Variants in EMID1 observed in about 807,000 individuals in gnomAD.
EMID1 encodes the protein EMI domain-containing protein 1.
In EMID1, 40 loss-of-function variants were observed where a neutral mutation model predicts 60.6. The ratio of observed to expected loss-of-function variants is 0.66; its 90% confidence interval spans 0.51 to 0.86. EMID1 has a LOEUF of 0.86. EMID1 is among the 40% of genes least tolerant of loss of function. The pLI, the probability that EMID1 is intolerant of heterozygous loss-of-function variation, is 0.00. For synonymous variants in EMID1, 242 were observed against 231.0 expected (o/e 1.05, Z -0.43); for missense variants, 585 against 597.1 (o/e 0.98, Z 0.21).
intron 1 of EMID1, among the ~76,000 whole-genome samples, chr22:29,212,972 C>T (rs1319795433): frequency 6.6e-6 from 1 of 152,164 alleles, no homozygotes; most frequent in Admixed American, 6.5e-5. Context: ...AGCTACTGTT[C>T]GTGTAGTAGA....
At chr22:29,254,342 C>G in intron 14 of EMID1, 55 bp downstream of exon 14, 2 of 1,549,192 alleles carry the variant, frequency 1.3e-6, no homozygotes, top group Non-Finnish European at 1.8e-6. Context: ...GCCAGCCTTC[C>G]CCAAGCCCTC....
At chr22:29,232,174 G>GGCTGCCTT (rs2040772312) in intron 7 of EMID1, 82 bp from the exon 8 acceptor site, 1 of 1,569,796 alleles carries the variant, frequency 6.4e-7, no homozygotes, top group Non-Finnish European at 8.7e-7. Context: ...CACTGCTCCA[G>GGCTGCCTT]GCTGCCTTGT....
Position 29,232,380 on chromosome 22 carries a change from C to T in EMID1, c.801C>T (p.Pro267=). The T allele has an allele frequency of 1.3e-6, 2 of 1,589,568 alleles. No homozygotes were observed. The highest frequency in any genetic ancestry group is 1.7e-6 in the Non-Finnish European group (2 of 1,170,834). The change falls in exon 8 of 15, where the codon CCC becomes CCT. Residue 267 remains proline (P), a synonymous_variant. Transcript: ENST00000334018. ...PPGPPAPVGP[P]HARISQHGDP... ...GGCCCCCAGCCCCTGTTGGGCCACCCCATGCCCGGATCTCCCAGCATGGTG... is the reference window on the plus strand; with the variant it reads ...GGCCCCCAGCCCCTGTTGGGCCACCTCATGCCCGGATCTCCCAGCATGGTG...
chr22:29,243,155 C>G (rs907915696), intron 12 of EMID1, among the ~76,000 whole-genome samples: 2 of 152,124 alleles, frequency 1.3e-5, no homozygotes, highest in African/African-American at 4.8e-5. Flanking sequence ...TCTTGTTTTG[C>G]CAGGCTGATG....
chr22:29,231,188 G>T, intron 6 of EMID1, 48 bp downstream of exon 6: 1 of 1,540,838 alleles, frequency 6.5e-7, no homozygotes. Context: ...AGTGGGTTGG[G>T]AATCGGGGAA....
chr22:29,255,820 GA>G (rs569977146), intron 14 of EMID1, among the ~76,000 whole-genome samples: 112 of 152,288 alleles, frequency 7.4e-4, no homozygotes, highest in African/African-American at 2.5e-3. Context: ...AGGATCTGGG[GA>G]GAGTGAACAG....
intron 1 of EMID1, among the ~76,000 whole-genome samples, chr22:29,206,665 G>A (rs930232565): frequency 1.3e-5 from 2 of 152,228 alleles, no homozygotes; most frequent in Non-Finnish European, 2.9e-5. Flanking sequence ...ACAGAGAAAA[G>A]AGGGAGCACA....
chr22:29,215,796 C>A (rs2040059920), intron 3 of EMID1, among the ~76,000 whole-genome samples, 166 bp downstream of exon 3: 1 of 152,170 alleles, frequency 6.6e-6, no homozygotes, highest in African/African-American at 2.4e-5. Flanking sequence ...GTTGTCCCCC[C>A]TGCCCCCCAC....
chr22:29,206,464 T>C (rs1335804319), intron 1 of EMID1, among the ~76,000 whole-genome samples: 1 of 152,208 alleles, frequency 6.6e-6, no homozygotes, highest in Non-Finnish European at 1.5e-5. Context: ...GAAAGGCCTA[T>C]GACACCCCCT....
intron 13 of EMID1, among the ~76,000 whole-genome samples, chr22:29,247,410 G>C (rs1169074494): frequency 6.6e-6 from 1 of 152,178 alleles, no homozygotes; most frequent in Non-Finnish European, 1.5e-5. Context: ...AGGTGATTTT[G>C]TTGTGGCATG....
At chr22:29,251,995 T>C (rs2041545075) in intron 13 of EMID1, among the ~76,000 whole-genome samples, 1 of 151,964 alleles carries the variant, frequency 6.6e-6, no homozygotes, top group Admixed American at 6.6e-5. Flanking sequence ...TTTTTGTAGA[T>C]ATGGGGTCTT....
At chr22:29,234,046 C>G (rs1490096841) in intron 10 of EMID1, 91 bp from the exon 11 acceptor site, 8 of 1,467,340 alleles carry the variant, frequency 5.5e-6, no homozygotes, top group Non-Finnish European at 7.4e-6. Context: ...CCAGACCAAG[C>G]TTGAGCGCCC....
At chr22:29,248,259 C>A (rs1201173593) in intron 13 of EMID1, among the ~76,000 whole-genome samples, 1 of 116,088 alleles carries the variant, frequency 8.6e-6, no homozygotes, top group Non-Finnish European at 1.7e-5. Context: ...GTGCCTGGCC[C>A]TTTTTTTTTT....
Position 29,243,451 on chromosome 22 carries a change from C to T in EMID1, c.1081C>T (p.Pro361Ser). 3 of 1,614,128 alleles carry T rather than the reference C, an allele frequency of 1.9e-6. No homozygotes were observed. Among genetic ancestry groups the T allele is most frequent in the Non-Finnish European group, 2.5e-6 (3 of 1,180,014 alleles). ...TCTCTGTCTCTCCTTGCAGGGGGAA[C>T]CTGGCCCTAAGGGAGACCCTGGTGA... ...PQGSAGQRGE[P>S]GPKGDPGEKS... Residue 361 changes from proline (P) to serine (S), a missense_variant, in exon 13 of 15, where the codon CCT (proline) becomes TCT (serine). Physicochemically the swap from Pro to Ser is moderately conservative, Grantham distance 74. Transcript: ENST00000334018.
intron 14 of EMID1, among the ~76,000 whole-genome samples, chr22:29,256,341 C>T (rs978270631): frequency 6.6e-6 from 1 of 151,394 alleles, no homozygotes; most frequent in African/African-American, 2.4e-5. Context: ...GGCGGGCACC[C>T]GTAATCCCAG....
chr22:29,227,435 C>T (rs1490507113), intron 5 of EMID1, among the ~76,000 whole-genome samples: 1 of 151,326 alleles, frequency 6.6e-6, no homozygotes, highest in East Asian at 1.9e-4. Context: ...CTTGGCGCAG[C>T]GGCTCACACC....
rs532141590 is a variant in EMID1, at chr22:29,226,696, G to A, written c.465+145G>A. The A allele has an allele frequency of 4.2e-5, 31 of 746,862 alleles. No individual in the cohort carries two copies. The South Asian group carries it at 5.6e-4, about 14-fold the overall frequency. The allele number at this position is 746,862 out of a possible 1,614,324, so 46.3% of individuals were successfully genotyped here. On this transcript the variant is annotated intron_variant, in intron 5 of 14. Coordinates refer to ENST00000334018, the MANE Select transcript of EMID1 (RefSeq NM_133455.4). ...CAGGGCAGCTCTGAACTGACTCGGCGAGCAGCATCCCCTGTCAGGCATGTC... is the reference window on the plus strand; with the variant it reads ...CAGGGCAGCTCTGAACTGACTCGGCAAGCAGCATCCCCTGTCAGGCATGTC...
chr22:29,211,480 T>A (rs73399052), intron 1 of EMID1, among the ~76,000 whole-genome samples: 3,612 of 152,270 alleles, frequency 0.024, 145 homozygotes, highest in African/African-American at 0.083. Flanking sequence ...ATTTGCCCTG[T>A]GTGCCTGTGT....
chr22:29,221,066 CGTGTGTGTGTGTGTGTGT>C (rs59651061), intron 3 of EMID1, among the ~76,000 whole-genome samples: 3,510 of 100,058 alleles, frequency 0.035, 145 homozygotes, highest in East Asian at 0.15. Context: ...GGGGTGGGAA[CGTGTGTGTGTGTGTGTGT>C]GTGTGTGTGT....
Sources: allele counts gnomAD v4.1 joint callset (sites outside exome capture counted in the v4.1 genomes callset), GRCh38; gene constraint gnomAD v4.1.1; transcripts MANE v1.5; gene names NCBI Gene and HGNC (gene_info 2026-07-23, HGNC 2026-07-21).